ZYG11B: variants seen among roughly 807,000 people sequenced by gnomAD.
ZYG11B encodes zyg-11 family member B, cell cycle regulator.
A neutral mutation model predicts 82.4 loss-of-function variants in ZYG11B; 36 were observed. That is an observed-to-expected ratio of 0.44 (90% CI 0.33 to 0.58). ZYG11B has a LOEUF of 0.58. Among genes scored for constraint, ZYG11B ranks in the 20% least tolerant of loss-of-function variants. The pLI is 0.02. For synonymous variants in ZYG11B, 303 were observed against 312.8 expected (o/e 0.97, Z 0.33); for missense variants, 552 against 895.6 (o/e 0.62, Z 4.90).
At position 52,820,408 on chromosome 1, in the gene ZYG11B, AG is replaced by A. The variant is rs1645273059; in HGVS notation, c.2045-1029del. Among the ~76,000 whole-genome samples, 3 of 151,876 alleles carry A rather than the reference AG, an allele frequency of 2.0e-5. No individual in the cohort carries two copies. The South Asian group carries it at 6.2e-4, about 32-fold the overall frequency. On this transcript the variant is annotated intron_variant, in intron 13 of 13. Coordinates refer to ENST00000294353, the MANE Select transcript of ZYG11B (RefSeq NM_024646.3). ...ACACCTGTAACCCCAGCACTTTGGGAGGCTGAGGCAGGCAGATCACTTAAGG... is the reference window on the plus strand; with the variant it reads ...ACACCTGTAACCCCAGCACTTTGGGAGCTGAGGCAGGCAGATCACTTAAGG...
Position 52,813,865 on chromosome 1 carries a change from A to T in ZYG11B, c.1899A>T (p.Ser633=). The T allele has an allele frequency of 6.2e-7, 1 of 1,614,148 alleles. No individual in the cohort carries two copies. The highest frequency in any genetic ancestry group is 8.5e-7 in the Non-Finnish European group (1 of 1,180,026). The change falls in exon 12 of 14, where the codon TCA becomes TCT. Residue 633 remains serine, a synonymous_variant. Coordinates refer to ENST00000294353, the MANE Select transcript of ZYG11B (RefSeq NM_024646.3). ...QRNSLLDDLH[S]AILKWPTPEC... ...GTGTGTCTTTTGTCTTCCAGCATTCAGCTATTTTGAAATGGCCAACTCCAG... is the reference window on the plus strand; with the variant it reads ...GTGTGTCTTTTGTCTTCCAGCATTCTGCTATTTTGAAATGGCCAACTCCAG...
chr1:52,788,841 G>A lies in ZYG11B; in HGVS notation c.1270-1162G>A, dbSNP rs148626810. ...GAGTTTTCCAGCTAAAGGAACAGGAGGGATGGGCTTTCTAAGTGGAGGTAA... is the reference window on the plus strand; with the variant it reads ...GAGTTTTCCAGCTAAAGGAACAGGAAGGATGGGCTTTCTAAGTGGAGGTAA... On this transcript the variant is annotated intron_variant, in intron 5 of 13. Transcript: ENST00000294353. Among the ~76,000 whole-genome samples the A allele has an allele frequency of 7.9e-3, 1,204 of 152,292 alleles. 17 individuals carry two copies. In the Middle Eastern group the frequency reaches 0.13, roughly 16 times the overall value.
intron 3 of ZYG11B, among the ~76,000 whole-genome samples, chr1:52,776,229 A>AAATATATATATATATAT: frequency 1.7e-4 from 4 of 23,538 alleles, no homozygotes; most frequent in Middle Eastern, 0.033. Flanking sequence ...TAAAAAAAAA[A>AAATATATATATATATAT]ATATATATAT....
intron 1 of ZYG11B, among the ~76,000 whole-genome samples, chr1:52,740,240 A>G (rs1311955233): frequency 6.6e-6 from 1 of 152,182 alleles, no homozygotes; most frequent in Non-Finnish European, 1.5e-5. Context: ...TTTGTTTCCT[A>G]GAATAGCTTT....
intron 1 of ZYG11B, among the ~76,000 whole-genome samples, chr1:52,737,002 T>A: frequency 6.6e-6 from 1 of 152,190 alleles, no homozygotes; most frequent in East Asian, 1.9e-4. Flanking sequence ...TCAGTAATAC[T>A]GCATGAACAT....
chr1:52,796,460 A>G, intron 7 of ZYG11B, 69 bp downstream of exon 7: 2 of 1,294,342 alleles, frequency 1.5e-6, no homozygotes, highest in Admixed American at 3.9e-5. Context: ...GTTTCCCCCC[A>G]AAAGCTGTGT....
chr1:52,765,952 C>T (rs542572316), intron 2 of ZYG11B, among the ~76,000 whole-genome samples: 1 of 151,952 alleles, frequency 6.6e-6, no homozygotes, highest in African/African-American at 2.4e-5. Context: ...GTTGTTTTAT[C>T]TTCTAGTTCA....
intron 2 of ZYG11B, among the ~76,000 whole-genome samples, chr1:52,762,978 G>GGGC (rs1553259207): frequency 1.2e-4 from 14 of 114,430 alleles, no homozygotes; most frequent in African/African-American, 4.1e-4. Flanking sequence ...TGAGAGATTG[G>GGGC]GGGGGGGGGG....
intron 3 of ZYG11B, among the ~76,000 whole-genome samples, chr1:52,775,637 G>T (rs1419823886): frequency 6.6e-6 from 1 of 151,884 alleles, no homozygotes; most frequent in Non-Finnish European, 1.5e-5. Flanking sequence ...GTTATAGTGA[G>T]CCAGCATTGT....
chr1:52,731,706 AAAAAT>A (rs1032081222), intron 1 of ZYG11B, among the ~76,000 whole-genome samples: 1 of 152,200 alleles, frequency 6.6e-6, no homozygotes, highest in African/African-American at 2.4e-5. Flanking sequence ...AATACTAAGA[AAAAAT>A]AAACCAGGCT....
chr1:52,761,429 C>T (rs1418181308), intron 2 of ZYG11B, among the ~76,000 whole-genome samples: 1 of 152,178 alleles, frequency 6.6e-6, no homozygotes, highest in Non-Finnish European at 1.5e-5. Flanking sequence ...TGAGTGAGAA[C>T]ATGCTGTGTT....
At chr1:52,803,442 G>GAA (rs57750852) in intron 10 of ZYG11B, among the ~76,000 whole-genome samples, 1 of 119,292 alleles carries the variant, frequency 8.4e-6, no homozygotes, top group Non-Finnish European at 1.8e-5. Flanking sequence ...CATCTCAAAA[G>GAA]AAAAAAAAAA....
intron 1 of ZYG11B, among the ~76,000 whole-genome samples, chr1:52,748,917 A>G (rs1376755831): frequency 2.2e-5 from 3 of 133,424 alleles, no homozygotes; most frequent in Non-Finnish European, 3.2e-5. Flanking sequence ...AAAAAAAAAA[A>G]TGGCCGGGCG....
chr1:52,783,896 G>GTGTGTGTGTATGTACATACACA (rs1644885695), intron 4 of ZYG11B, among the ~76,000 whole-genome samples: 3 of 95,066 alleles, frequency 3.2e-5, no homozygotes, highest in South Asian at 3.2e-4. Flanking sequence ...GTACATACAC[G>GTGTGTGTGTATGTACATACACA]TGTGTGTATA....
At chr1:52,755,340 C>T (rs1644565167) in intron 1 of ZYG11B, among the ~76,000 whole-genome samples, 1 of 152,088 alleles carries the variant, frequency 6.6e-6, no homozygotes, top group African/African-American at 2.4e-5. Flanking sequence ...TTGCTGAACT[C>T]TGAATTCTAG....
chr1:52,740,400 T>TTTAC lies in ZYG11B; in HGVS notation c.30+13720_30+13723dup, dbSNP rs199583223. ...AAAGTGATATGTGCAAGAAGCTTGCTTTACTTGCTTTTCAATTTGTCATCT... is the reference window on the plus strand; with the variant it reads ...AAAGTGATATGTGCAAGAAGCTTGCTTTACTTACTTGCTTTTCAATTTGTCATCT... On this transcript the variant is annotated intron_variant, in intron 1 of 13. Coordinates refer to ENST00000294353, the MANE Select transcript of ZYG11B (RefSeq NM_024646.3). Among the ~76,000 whole-genome samples the TTTAC allele has an allele frequency of 1.6e-3, 238 of 152,256 alleles. 2 individuals carry two copies. Among genetic ancestry groups the TTTAC allele is most frequent in the Admixed American group, 9.8e-3 (150 of 15,288 alleles).
At chr1:52,820,621 C>A (rs1388252120) in intron 13 of ZYG11B, among the ~76,000 whole-genome samples, 1 of 149,178 alleles carries the variant, frequency 6.7e-6, no homozygotes, top group African/African-American at 2.5e-5. Flanking sequence ...GGACTCCAGC[C>A]TGGGCAACAC....
In ZYG11B at chr1:52,726,570, CGGAGCCTCCT is replaced by C; in HGVS notation, c.-74_-65del. 1 of 1,303,956 alleles carries C rather than the reference CGGAGCCTCCT, an allele frequency of 7.7e-7. No individual in the cohort carries two copies. The highest frequency in any genetic ancestry group is 3.2e-5 in the East Asian group (1 of 31,672). 80.8% of individuals were successfully genotyped at this position (1,303,956 alleles called of 1,614,324 possible). A position where few individuals can be genotyped will look rare whatever the true frequency, so the allele number is the denominator to read the frequency against. ...GGCCAAGCCCGGAGCCGCCGCTCGCCGGAGCCTCCTGGAGCCTCCGCGCCGGCTCAGCCTG... is the reference window on the plus strand; with the variant it reads ...GGCCAAGCCCGGAGCCGCCGCTCGCCGGAGCCTCCGCGCCGGCTCAGCCTG... On this transcript the variant is annotated 5_prime_UTR_variant, in exon 1 of 14. Transcript: ENST00000294353.
At chr1:52,740,565 CTTTTTT>C (rs57309331) in intron 1 of ZYG11B, among the ~76,000 whole-genome samples, 10 of 124,972 alleles carry the variant, frequency 8.0e-5, no homozygotes, top group Admixed American at 3.3e-4. Context: ...GTACTACCTT[CTTTTTT>C]TTTTTTTTTT....
Sources: gnomAD v4.1 joint callset for allele counts (sites outside exome capture counted in the v4.1 genomes callset) on GRCh38, gnomAD v4.1.1 for gene constraint, MANE v1.5 for transcripts, NCBI Gene and HGNC (gene_info 2026-07-23, HGNC 2026-07-21) for gene names.